PM20D1: variants seen among roughly 807,000 people sequenced by gnomAD.
The protein encoded by PM20D1 is N-fatty-acyl-amino acid synthase/hydrolase PM20D1.
PM20D1 carries 53 observed loss-of-function variants against 53.8 expected under a neutral mutation model. The ratio of observed to expected loss-of-function variants is 0.98; its 90% CI spans 0.79 to 1.24. The LOEUF (loss-of-function observed/expected upper bound fraction) is 1.24. Among genes scored for constraint, PM20D1 ranks in the 50% most tolerant of loss-of-function variants. The pLI is 0.00. For missense variants in PM20D1, 564 were observed against 616.8 expected (o/e 0.91, Z 0.91); for synonymous variants, 239 against 241.3 (o/e 0.99, Z 0.09).
At position 205,835,986 on chromosome 1, in the gene PM20D1, C is replaced by T. The variant is rs551794220; in HGVS notation, c.1117-3220G>A. Among the ~76,000 whole-genome samples the T allele has an allele frequency of 7.9e-5, 12 of 152,234 alleles. No homozygotes were observed. In the East Asian group the frequency reaches 2.3e-3, roughly 30 times the overall value. ...TGCCTCCTGGGTTCGAGTGATTCTC[C>T]TGCCTCAGCCTCCTGAGTAGCTGGG... On this transcript the variant is annotated intron_variant, in intron 10 of 12. Transcript: ENST00000367136.
intron 10 of PM20D1, among the ~76,000 whole-genome samples, chr1:205,835,047 G>T (rs1656649684): frequency 6.6e-6 from 1 of 152,230 alleles, no homozygotes. Flanking sequence ...AGTATTGTCA[G>T]GTCGGGTATC....
At chr1:205,839,377 A>G (rs1193609402) in intron 10 of PM20D1, among the ~76,000 whole-genome samples, 1 of 152,154 alleles carries the variant, frequency 6.6e-6, no homozygotes, top group African/African-American at 2.4e-5. Flanking sequence ...AATTTTTATA[A>G]TCATAGTTTA....
At position 205,843,658 on chromosome 1, in the gene PM20D1, G is replaced by T; in HGVS notation, c.827+9C>A. 4 of 1,612,758 alleles carry T rather than the reference G, an allele frequency of 2.5e-6. No homozygotes were observed. The highest frequency in any genetic ancestry group is 3.4e-6 in the Non-Finnish European group (4 of 1,179,530). Reference sequence around the variant, plus strand: ...GTCTGGCATGGGAACAGGGCCAGGAGTTGCTTACCGGCTGACAGCAGCTGC... The same window carrying T: ...GTCTGGCATGGGAACAGGGCCAGGATTTGCTTACCGGCTGACAGCAGCTGC... On this transcript the variant is annotated intron_variant, in intron 6 of 12. Coordinates refer to ENST00000367136, the MANE Select transcript of PM20D1 (RefSeq NM_152491.5).
intron 11 of PM20D1, among the ~76,000 whole-genome samples, chr1:205,831,804 C>A (rs2102522670): frequency 6.6e-6 from 1 of 152,170 alleles, no homozygotes; most frequent in South Asian, 2.1e-4. Context: ...CCTCATGATC[C>A]ACCCGCCTCT....
chr1:205,838,566 T>A (rs1656734428), intron 10 of PM20D1, among the ~76,000 whole-genome samples: 1 of 152,182 alleles, frequency 6.6e-6, no homozygotes, highest in South Asian at 2.1e-4. Flanking sequence ...TCAACTCTTT[T>A]CTCTCCTAGC....
chr1:205,838,691 A>G (rs1656738244), intron 10 of PM20D1, among the ~76,000 whole-genome samples: 1 of 152,172 alleles, frequency 6.6e-6, no homozygotes. Context: ...GGTATTTATA[A>G]TTGCCTATTT....
chr1:205,837,425 G>A (rs1656706854), intron 10 of PM20D1, among the ~76,000 whole-genome samples: 1 of 152,140 alleles, frequency 6.6e-6, no homozygotes, highest in South Asian at 2.1e-4. Flanking sequence ...TTTCCACATG[G>A]CAGCCTCTTG....
At chr1:205,845,158 G>A (rs1278327747) in intron 3 of PM20D1, among the ~76,000 whole-genome samples, 167 bp downstream of exon 3, 2 of 152,150 alleles carry the variant, frequency 1.3e-5, no homozygotes, top group African/African-American at 4.8e-5. Flanking sequence ...TTACAGCTGA[G>A]AAATCAAGGC....
chr1:205,832,876 C>T (rs1384341913), intron 10 of PM20D1, 110 bp from the exon 11 acceptor site: 4 of 1,253,140 alleles, frequency 3.2e-6, no homozygotes, highest in Non-Finnish European at 4.3e-6. Flanking sequence ...TCAGGGTTTA[C>T]AGACAGGACT....
intron 10 of PM20D1, among the ~76,000 whole-genome samples, chr1:205,834,814 A>G (rs1263017262): frequency 6.6e-6 from 1 of 152,188 alleles, no homozygotes; most frequent in Non-Finnish European, 1.5e-5. Flanking sequence ...TCCCTTCAGT[A>G]AGAGGCTGCA....
chr1:205,839,594 C>T lies in PM20D1; in HGVS notation c.1116+658G>A, dbSNP rs74910130. Among the ~76,000 whole-genome samples, 861 of 151,898 alleles carry T rather than the reference C, an allele frequency of 5.7e-3. 5 individuals carry two copies. Among genetic ancestry groups the T allele is most frequent in the African/African-American group, 0.02 (832 of 41,426 alleles). ...GGTGTGGTGGCTCATGTCTGTAATCCCAACCCTTTGGAAGGCCGAGGCGGG... is the reference window on the plus strand; with the variant it reads ...GGTGTGGTGGCTCATGTCTGTAATCTCAACCCTTTGGAAGGCCGAGGCGGG... On this transcript the variant is annotated intron_variant, in intron 10 of 12. Transcript: ENST00000367136.
Position 205,832,604 on chromosome 1 carries a change from C to T in PM20D1, c.1279G>A (p.Ala427Thr). ...CAGCTGATGAAGTCATTACCTGGGGCAGTAATATTGACTTCCGGGAAGACG... is the reference window on the plus strand; with the variant it reads ...CAGCTGATGAAGTCATTACCTGGGGTAGTAATATTGACTTCCGGGAAGACG... ...QSVFPEVNIT[A>T]PVTSIGNTDS... The change falls in exon 11 of 13, where the codon GCC becomes ACC. Residue 427 changes from alanine (A) to threonine (T), a missense_variant. Transcript: ENST00000367136. 2 of 1,614,050 alleles carry T rather than the reference C, an allele frequency of 1.2e-6. No individual in the cohort carries two copies. Among genetic ancestry groups the T allele is most frequent in the Non-Finnish European group, 1.7e-6 (2 of 1,179,974 alleles).
At position 205,850,002 on chromosome 1, in the gene PM20D1, C is replaced by A; in HGVS notation, c.71G>T (p.Arg24Ile). Residue 24 changes from arginine to isoleucine, a missense_variant, in exon 1 of 13, where the codon AGA (arginine) becomes ATA (isoleucine). Physicochemically the swap from Arg to Ile is moderately conservative, Grantham distance 97 (BLOSUM62 -3). Coordinates refer to ENST00000367136, the MANE Select transcript of PM20D1 (RefSeq NM_152491.5). Reference sequence around the variant, plus strand: ...CTCCCCGCTCCTCGGGCCCATCGATCTGGAGACGGTAGGGAAAACTAGGAG... The same window carrying A: ...CTCCCCGCTCCTCGGGCCCATCGATATGGAGACGGTAGGGAAAACTAGGAG... ...MLLLVFPTVS[R>I]SMGPRSGEHQ... 6.2e-7 allele frequency: 1 copy of A among 1,614,190 alleles called. No individual in the cohort carries two copies. Among genetic ancestry groups the A allele is most frequent in the Non-Finnish European group, 8.5e-7 (1 of 1,180,016 alleles).
At chr1:205,840,468 C>G (rs1198763353) in intron 9 of PM20D1, 145 bp from the exon 10 acceptor site, 2 of 642,440 alleles carry the variant, frequency 3.1e-6, no homozygotes, top group African/African-American at 1.8e-5. Context: ...TAGTCTGCCT[C>G]TTGTCTTCTC....
rs776332694 is a variant in PM20D1, at chr1:205,842,675, C to T, written c.903+1G>A. 10 of 1,613,918 alleles carry T rather than the reference C, an allele frequency of 6.2e-6. No homozygotes were observed. Among genetic ancestry groups the T allele is most frequent in the Non-Finnish European group, 6.8e-6 (8 of 1,179,922 alleles). ...GGAGTATGTGATACTTCTTCCCATACCTCATTTGCCAGTTGCTGCAATACA... is the reference window on the plus strand; with the variant it reads ...GGAGTATGTGATACTTCTTCCCATATCTCATTTGCCAGTTGCTGCAATACA... On this transcript the variant is annotated splice_donor_variant, in intron 7 of 12. Transcript: ENST00000367136. LOFTEE classifies it high-confidence loss of function.
At chr1:205,839,999 T>TTA (rs2102527461) in intron 10 of PM20D1, among the ~76,000 whole-genome samples, 1 of 151,926 alleles carries the variant, frequency 6.6e-6, no homozygotes, top group African/African-American at 2.4e-5. Context: ...ATATATAATG[T>TTA]TATATATAAT....
intron 1 of PM20D1, among the ~76,000 whole-genome samples, chr1:205,848,444 C>T (rs1657052217): frequency 6.6e-6 from 1 of 152,134 alleles, no homozygotes; most frequent in Admixed American, 6.5e-5. Context: ...AGGCTTATTC[C>T]TTATGCAGAG....
At chr1:205,830,401 G>T in intron 11 of PM20D1, 22 bp from the exon 12 acceptor site, 1 of 1,537,752 alleles carries the variant, frequency 6.5e-7, no homozygotes, top group Non-Finnish European at 9.0e-7. Flanking sequence ...AGATCAACAG[G>T]AAAGGGGCTT....
chr1:205,835,218 C>G (rs1431529064), intron 10 of PM20D1, among the ~76,000 whole-genome samples: 2 of 152,130 alleles, frequency 1.3e-5, no homozygotes, highest in Admixed American at 1.3e-4. Context: ...CTGACAGAGA[C>G]AAGGTAACAG....
Sources: gnomAD v4.1 joint callset for allele counts (sites outside exome capture counted in the v4.1 genomes callset) on GRCh38, gnomAD v4.1.1 for gene constraint, MANE v1.5 for transcripts, NCBI Gene and HGNC (gene_info 2026-07-23, HGNC 2026-07-21) for gene names.